Variants in TNKS observed in about 807,000 individuals in gnomAD.
The protein encoded by TNKS is tankyrase.
A neutral mutation model predicts 135.8 loss-of-function variants in TNKS; 72 were observed. The ratio of observed to expected loss-of-function variants is 0.53; its 90% CI spans 0.44 to 0.64. TNKS has a LOEUF of 0.64. Among genes scored for constraint, TNKS ranks in the 30% least tolerant of loss-of-function variants. The probability of loss-of-function intolerance (pLI) is 0.00; values close to 1 mark genes in which losing one functional copy is unlikely to be tolerated. For synonymous variants in TNKS, 849 were observed against 649.3 expected (o/e 1.31, Z -4.68); for missense variants, 1,769 against 1,674.0 (o/e 1.06, Z -0.99).
intron 13 of TNKS, among the ~76,000 whole-genome samples, chr8:9,730,648 C>G (rs995670940): frequency 9.9e-5 from 15 of 152,042 alleles, no homozygotes; most frequent in Non-Finnish European, 1.6e-4. Flanking sequence ...CTATTTGATT[C>G]CGATTTTGGT....
chr8:9,632,822 C>G (rs561512488), intron 3 of TNKS, among the ~76,000 whole-genome samples: 1 of 152,154 alleles, frequency 6.6e-6, no homozygotes, highest in Non-Finnish European at 1.5e-5. Flanking sequence ...CTCCGCCTCC[C>G]GGGTTCATAC....
intron 26 of TNKS, chr8:9,772,272 A>C (rs2128842373): frequency 2.4e-6 from 1 of 414,278 alleles, no homozygotes; most frequent in Non-Finnish European, 4.9e-6. Context: ...TGGGGGGAGG[A>C]GTAATTATAT....
intron 13 of TNKS, among the ~76,000 whole-genome samples, chr8:9,729,451 T>C (rs1805317071): frequency 6.6e-6 from 1 of 152,226 alleles, no homozygotes; most frequent in African/African-American, 2.4e-5. Flanking sequence ...GCCTAGAGCA[T>C]GCTATTGTCT....
At chr8:9,681,023 C>T (rs948887414) in intron 5 of TNKS, 2 of 376,802 alleles carry the variant, frequency 5.3e-6, no homozygotes, top group Non-Finnish European at 9.5e-6. Context: ...ATGTCAGACA[C>T]AGCAAGTTAT....
chr8:9,721,751 C>G (rs951349241), intron 12 of TNKS, among the ~76,000 whole-genome samples: 5 of 152,002 alleles, frequency 3.3e-5, no homozygotes, highest in African/African-American at 1.2e-4. Context: ...TTCCAAAAAT[C>G]TATATAAAAC....
intron 1 of TNKS, among the ~76,000 whole-genome samples, chr8:9,565,656 C>G (rs761066694): frequency 4.6e-5 from 7 of 151,998 alleles, no homozygotes; most frequent in Non-Finnish European, 1.0e-4. Context: ...TGGAGGCCAT[C>G]CTGGCTAGCA....
chr8:9,719,024 A>G (rs1804739708), intron 11 of TNKS, among the ~76,000 whole-genome samples: 1 of 152,222 alleles, frequency 6.6e-6, no homozygotes, highest in African/African-American at 2.4e-5. Flanking sequence ...TTTGTGCTGA[A>G]GAAGTAACAA....
intron 5 of TNKS, among the ~76,000 whole-genome samples, chr8:9,686,983 C>T (rs556070136): frequency 4.6e-5 from 7 of 152,222 alleles, no homozygotes; most frequent in African/African-American, 1.7e-4. Flanking sequence ...AGCAATTACC[C>T]ATAATGCAGA....
At chr8:9,636,216 A>ATATG (rs921543100) in intron 3 of TNKS, among the ~76,000 whole-genome samples, 1 of 152,166 alleles carries the variant, frequency 6.6e-6, no homozygotes. Context: ...GAGATGGAGG[A>ATATG]TATGGAGGAG....
At chr8:9,711,195 A>C (rs1804315446) in intron 11 of TNKS, among the ~76,000 whole-genome samples, 1 of 152,170 alleles carries the variant, frequency 6.6e-6, no homozygotes, top group Non-Finnish European at 1.5e-5. Flanking sequence ...TCAATTTATA[A>C]TACTTTTATT....
chr8:9,685,301 C>T (rs1210913816), intron 5 of TNKS, among the ~76,000 whole-genome samples: 1 of 152,108 alleles, frequency 6.6e-6, no homozygotes, highest in Admixed American at 6.6e-5. Context: ...TTCTGCTTTC[C>T]AAGTGTGTGT....
chr8:9,567,303 CT>C (rs1238237585), intron 1 of TNKS, among the ~76,000 whole-genome samples: 2 of 152,132 alleles, frequency 1.3e-5, no homozygotes, highest in Non-Finnish European at 2.9e-5. Flanking sequence ...ACTATCTGGT[CT>C]TTTGTTCAGT....
At chr8:9,698,872 C>G (rs1457215096) in intron 5 of TNKS, among the ~76,000 whole-genome samples, 1 of 152,206 alleles carries the variant, frequency 6.6e-6, no homozygotes, top group African/African-American at 2.4e-5. Context: ...AAGAAGACAT[C>G]TTTAATTTAT....
chr8:9,708,454 A>C lies in TNKS; in HGVS notation c.1540A>C (p.Ile514Leu). 6.2e-7 allele frequency: 1 copy of C among 1,609,422 alleles called. No individual in the cohort carries two copies. Among genetic ancestry groups the C allele is most frequent in the Non-Finnish European group, 8.5e-7 (1 of 1,177,696 alleles). The change falls in exon 9 of 27, where the codon ATT (isoleucine) becomes CTT (leucine). Residue 514 changes from isoleucine to leucine, a missense_variant. By Grantham distance (5) the Ile-to-Leu change is conservative (BLOSUM62 2). Around this residue, in one of 5 missense-constraint regions of TNKS, gnomAD observed 523 missense variants for 541.0 expected, o/e 0.97. Coordinates refer to ENST00000310430, the MANE Select transcript of TNKS (RefSeq NM_003747.3). ...KVKKTLALEI[I>L]NFKQPQSHET... Reference sequence around the variant, plus strand: ...TAAAAAAACACTCGCTCTGGAAATCATTAATTTCAAACAACCGCAGTCTCA... The same window carrying C: ...TAAAAAAACACTCGCTCTGGAAATCCTTAATTTCAAACAACCGCAGTCTCA...
intron 17 of TNKS, among the ~76,000 whole-genome samples, chr8:9,738,855 G>T (rs202242670): frequency 0.078 from 10,116 of 129,710 alleles, 427 homozygotes; most frequent in South Asian, 0.14. Context: ...GTGGTGTGGT[G>T]CTGAAAAAAA....
intron 1 of TNKS, among the ~76,000 whole-genome samples, chr8:9,559,725 G>C (rs1797251568): frequency 6.6e-6 from 1 of 152,122 alleles, no homozygotes; most frequent in Admixed American, 6.5e-5. Context: ...CATTTTTAAA[G>C]ATCTCAGATG....
chr8:9,779,039 T>G lies in TNKS; in HGVS notation c.*2303T>G, dbSNP rs118140142. 148 of 152,474 alleles carry G rather than the reference T, an allele frequency of 9.7e-4. 2 individuals carry two copies. The highest frequency in any genetic ancestry group is 8.1e-4 in the Non-Finnish European group (55 of 68,040). The allele number at this position is 152,474 out of a possible 1,614,324, so 9.4% of individuals were successfully genotyped here. ...TACGTCTCATGCTCTGTGTGCCAGGTGAAGGTACTGTGTAAGGAAGACATT... is the reference window on the plus strand; with the variant it reads ...TACGTCTCATGCTCTGTGTGCCAGGGGAAGGTACTGTGTAAGGAAGACATT... On this transcript the variant is annotated 3_prime_UTR_variant, in exon 27 of 27. Transcript: ENST00000310430.
At chr8:9,732,697 G>C (rs1199106940) in intron 14 of TNKS, among the ~76,000 whole-genome samples, 6 of 152,062 alleles carry the variant, frequency 3.9e-5, no homozygotes, top group Admixed American at 1.3e-4. Flanking sequence ...TAGAATGTCA[G>C]CTGCTTACAA....
intron 2 of TNKS, among the ~76,000 whole-genome samples, chr8:9,601,201 A>G (rs1799003954): frequency 6.6e-6 from 1 of 152,236 alleles, no homozygotes. Flanking sequence ...ATATAACACT[A>G]AATATTCCTG....
Sources: allele counts gnomAD v4.1 joint callset (sites outside exome capture counted in the v4.1 genomes callset), GRCh38; gene constraint gnomAD v4.1.1; regional missense constraint gnomAD v4.1.1; transcripts MANE v1.5; gene names NCBI Gene and HGNC (gene_info 2026-07-23, HGNC 2026-07-21).